The following PCP4 variants were observed in gnomAD, a reference collection of about 807,000 sequenced individuals.
PCP4 encodes Purkinje cell protein 4, also known as calmodulin regulator protein PCP4.
In PCP4, 8 loss-of-function variants were observed where a neutral mutation model predicts 10.0. The ratio of observed to expected loss-of-function variants is 0.80; its 90% CI spans 0.47 to 1.45. PCP4 has a LOEUF of 1.45. PCP4 is among the 40% of genes most tolerant of loss of function. PCP4 has a pLI of 0.00. For synonymous variants in PCP4, 21 were observed against 23.0 expected, an observed-to-expected ratio of 0.91 and a Z score of 0.24; for missense variants, 54 against 74.4, an observed-to-expected ratio of 0.73 and a Z score of 1.01.
At chr21:39,889,408 G>GTT (rs2087417376) in intron 1 of PCP4, among the ~76,000 whole-genome samples, 10 of 128,736 alleles carry the variant, frequency 7.8e-5, no homozygotes, top group African/African-American at 2.9e-4. Context: ...ATCAAACCAA[G>GTT]TTCTTTTTTT....
chr21:39,906,184 G>A lies in PCP4; in HGVS notation c.61+7657G>A, dbSNP rs554844987. ...ACATAAATAAGAGGAGGAAAGTTTT[G>A]GTCATCTGACCCACAGTCCAAACAC... On this transcript the variant is annotated intron_variant, in intron 2 of 2. Coordinates refer to ENST00000328619, the MANE Select transcript of PCP4 (RefSeq NM_006198.3). This position sits in a 1 kb window ranked among gnomAD's most constrained non-coding sequence, Gnocchi z 6.3. Among the ~76,000 whole-genome samples the A allele has an allele frequency of 2.7e-4, 41 of 152,274 alleles. 1 individual carries two copies. The South Asian group carries it at 8.3e-3, about 31-fold the overall frequency.
chr21:39,903,876 C>CAAAAAAAAAAAAA (rs67572508), intron 2 of PCP4, among the ~76,000 whole-genome samples: 7 of 95,494 alleles, frequency 7.3e-5, no homozygotes, highest in Non-Finnish European at 1.5e-4. Flanking sequence ...TCAAAAAAAA[C>CAAAAAAAAAAAAA]AAAAAAAAAA....
chr21:39,921,110 C>T (rs1453595421), intron 2 of PCP4, among the ~76,000 whole-genome samples: 3 of 152,192 alleles, frequency 2.0e-5, no homozygotes, highest in African/African-American at 2.4e-5. Flanking sequence ...GACCACTCGC[C>T]GAACTCATGA....
chr21:39,889,099 C>T (rs947096463), intron 1 of PCP4, among the ~76,000 whole-genome samples: 1 of 152,120 alleles, frequency 6.6e-6, no homozygotes, highest in African/African-American at 2.4e-5. Context: ...GAGCCAGGGG[C>T]CTCTGTGGGT....
At position 39,910,789 on chromosome 21, in the gene PCP4, C is replaced by T. The variant is rs981337959; in HGVS notation, c.61+12262C>T. Among the ~76,000 whole-genome samples, 37 of 152,344 alleles carry T rather than the reference C, an allele frequency of 2.4e-4. 1 individual carries two copies. In the East Asian group the frequency reaches 2.5e-3, roughly 10 times the overall value. On this transcript the variant is annotated intron_variant, in intron 2 of 2. Transcript: ENST00000328619. The stretch of plus-strand genomic sequence containing the variant: ...CTTCCTCGCCCTTTAGCCATTTCCC[C>T]GGTTGCAGGGCCCCTGAGCTGCTTG...
intron 2 of PCP4, among the ~76,000 whole-genome samples, chr21:39,921,424 A>G (rs973760716): frequency 2.0e-5 from 3 of 152,220 alleles, no homozygotes; most frequent in African/African-American, 7.2e-5. Flanking sequence ...CTCAGCTCTC[A>G]TAAATGACTA....
intron 2 of PCP4, among the ~76,000 whole-genome samples, chr21:39,920,171 ATG>A (rs2087589213): frequency 9.0e-6 from 1 of 111,622 alleles, no homozygotes; most frequent in African/African-American, 3.6e-5. Flanking sequence ...GTGATGTGTG[ATG>A]TGTGTGGTGT....
chr21:39,927,361 CT>C (rs2087629457), intron 2 of PCP4, among the ~76,000 whole-genome samples: 3 of 20,772 alleles, frequency 1.4e-4, no homozygotes, highest in Non-Finnish European at 4.1e-4. Context: ...ATCTATCTAT[CT>C]ATCTATCATC....
chr21:39,915,169 G>T (rs2087562882), intron 2 of PCP4, among the ~76,000 whole-genome samples: 1 of 151,628 alleles, frequency 6.6e-6, no homozygotes, highest in Non-Finnish European at 1.5e-5. Context: ...ATAACATGAA[G>T]CAGGGAAGCC....
chr21:39,894,106 G>T (rs2087446441), intron 1 of PCP4, among the ~76,000 whole-genome samples: 1 of 152,154 alleles, frequency 6.6e-6, no homozygotes, highest in South Asian at 2.1e-4. Flanking sequence ...AGATGATCAG[G>T]AGAAGAATGA....
chr21:39,868,608 C>A (rs2087304965), intron 1 of PCP4, among the ~76,000 whole-genome samples: 1 of 152,212 alleles, frequency 6.6e-6, no homozygotes, highest in Non-Finnish European at 1.5e-5. Flanking sequence ...GCAGCTAACA[C>A]TTGCCTAATG....
chr21:39,903,466 G>A (rs1252397953), intron 2 of PCP4, among the ~76,000 whole-genome samples: 2 of 152,150 alleles, frequency 1.3e-5, no homozygotes, highest in African/African-American at 4.8e-5. Flanking sequence ...GAGTAGCCTT[G>A]CACAAGCTCG....
chr21:39,903,919 TTA>T (rs1370764004), intron 2 of PCP4, among the ~76,000 whole-genome samples: 1 of 149,464 alleles, frequency 6.7e-6, no homozygotes, highest in Non-Finnish European at 1.5e-5. Flanking sequence ...TTTGATATGA[TTA>T]TATGATTGCC....
intron 1 of PCP4, among the ~76,000 whole-genome samples, chr21:39,886,789 A>G (rs1040717395): frequency 6.6e-6 from 1 of 152,356 alleles, no homozygotes; most frequent in Non-Finnish European, 1.5e-5. Context: ...ATGAAATTAT[A>G]TATATGGCAT....
In PCP4 at chr21:39,922,843, G is replaced by A. The variant is rs184116675; in HGVS notation, c.62-6141G>A. 3.9e-3 allele frequency among the ~76,000 whole-genome samples: 591 copies of A among 152,332 alleles called. 4 individuals carry two copies. Among genetic ancestry groups the A allele is most frequent in the Admixed American group, 5.2e-3 (80 of 15,306 alleles). ...CTTCCTTTGAGGTGAGATCTTACAG[G>A]TGATGGACTTGGCTGATGTCTGAAG... On this transcript the variant is annotated intron_variant, in intron 2 of 2. Transcript: ENST00000328619.
intron 2 of PCP4, among the ~76,000 whole-genome samples, chr21:39,907,050 C>T (rs553678910): frequency 2.0e-5 from 3 of 152,264 alleles, no homozygotes; most frequent in East Asian, 3.9e-4. Flanking sequence ...TCAGGCTGGG[C>T]CAAATGATAA....
intron 1 of PCP4, among the ~76,000 whole-genome samples, chr21:39,892,421 T>C (rs56173484): frequency 0.31 from 47,282 of 151,884 alleles, 8,019 homozygotes; most frequent in African/African-American, 0.44. Context: ...TCTCTTGCCT[T>C]GGCACCTAGG....
intron 2 of PCP4, among the ~76,000 whole-genome samples, chr21:39,908,873 C>T (rs1601184729): frequency 6.6e-6 from 1 of 152,212 alleles, no homozygotes; most frequent in East Asian, 1.9e-4. Flanking sequence ...TCAGGTCCCT[C>T]TTGGATATCT....
intron 2 of PCP4, among the ~76,000 whole-genome samples, chr21:39,910,370 C>T (rs1168605315): frequency 6.6e-6 from 1 of 152,098 alleles, no homozygotes; most frequent in African/African-American, 2.4e-5. Flanking sequence ...CTCCTCTCAC[C>T]CAACCTTTCT....
Sources: gnomAD v4.1 joint callset for allele counts (sites outside exome capture counted in the v4.1 genomes callset) on GRCh38, gnomAD v4.1.1 for gene constraint, Gnocchi (gnomAD v3.1) non-coding constraint, MANE v1.5 for transcripts, NCBI Gene and HGNC (gene_info 2026-07-23, HGNC 2026-07-21) for gene names.